Variants in GPR39 observed in about 807,000 individuals in gnomAD.
GPR39 encodes the protein zinc sensing receptor.
A neutral mutation model predicts 18.4 loss-of-function variants in GPR39; 23 were observed. That is an observed-to-expected ratio of 1.25 (90% CI 0.90 to 1.77). GPR39 has a LOEUF of 1.77. Ranked by LOEUF, GPR39 falls within the 40% of genes most tolerant of loss-of-function variation. GPR39 has a pLI of 0.00. For missense variants in GPR39, 647 were observed against 602.4 expected, an observed-to-expected ratio of 1.07 and a Z score of -0.78; for synonymous variants, 280 against 257.9, an observed-to-expected ratio of 1.09 and a Z score of -0.82.
At chr2:132,604,645 G>T (rs977123657) in intron 1 of GPR39, 2 of 152,320 alleles carry the variant, frequency 1.3e-5, no homozygotes, top group South Asian at 2.1e-4. Flanking sequence ...TTTTATAGAA[G>T]GTTATATATA....
chr2:132,594,447 T>G (rs1680901997), intron 1 of GPR39, among the ~76,000 whole-genome samples: 1 of 152,072 alleles, frequency 6.6e-6, no homozygotes, highest in Non-Finnish European at 1.5e-5. Context: ...TAGAGCAGTT[T>G]AGAACTGATT....
chr2:132,539,379 G>GC (rs1679819824), intron 1 of GPR39, among the ~76,000 whole-genome samples: 1 of 152,088 alleles, frequency 6.6e-6, no homozygotes. Flanking sequence ...CACACCCACT[G>GC]CCTAACCAGT....
intron 1 of GPR39, among the ~76,000 whole-genome samples, chr2:132,505,980 G>T (rs900160638): frequency 6.6e-6 from 1 of 152,146 alleles, no homozygotes; most frequent in Admixed American, 6.5e-5. Context: ...TCTCCATACT[G>T]TATTCTACAA....
At chr2:132,512,945 A>G (rs1679266988) in intron 1 of GPR39, among the ~76,000 whole-genome samples, 1 of 152,254 alleles carries the variant, frequency 6.6e-6, no homozygotes, top group Non-Finnish European at 1.5e-5. Context: ...TAAAGCACCC[A>G]TTATTTTGTT....
At chr2:132,555,054 C>T (rs931932971) in intron 1 of GPR39, among the ~76,000 whole-genome samples, 3 of 151,910 alleles carry the variant, frequency 2.0e-5, no homozygotes, top group African/African-American at 4.8e-5. Context: ...CAGGTTCAAG[C>T]GATTCTCCTG....
intron 1 of GPR39, 87 bp downstream of exon 1, chr2:132,417,985 A>G: frequency 6.8e-7 from 1 of 1,480,572 alleles, no homozygotes; most frequent in Non-Finnish European, 9.0e-7. Context: ...TCTCCAGGGC[A>G]AGTCTTGCCC....
At chr2:132,568,300 T>A (rs1397293407) in intron 1 of GPR39, among the ~76,000 whole-genome samples, 1 of 152,044 alleles carries the variant, frequency 6.6e-6, no homozygotes, top group Non-Finnish European at 1.5e-5. Context: ...GTCTTGGAGT[T>A]GTTGGGCGGG....
chr2:132,480,749 A>G (rs144399608), intron 1 of GPR39, among the ~76,000 whole-genome samples: 25 of 152,274 alleles, frequency 1.6e-4, no homozygotes, highest in African/African-American at 6.0e-4. Context: ...ATTAATTCTG[A>G]CTGCAGGTTG....
chr2:132,537,887 A>G (rs927767345), intron 1 of GPR39, among the ~76,000 whole-genome samples: 3 of 152,052 alleles, frequency 2.0e-5, no homozygotes, highest in Non-Finnish European at 2.9e-5. Context: ...TGTGTTTTTC[A>G]GCTCCATCAG....
At chr2:132,462,044 T>A (rs150592480) in intron 1 of GPR39, among the ~76,000 whole-genome samples, 81 of 152,322 alleles carry the variant, frequency 5.3e-4, no homozygotes, top group African/African-American at 1.9e-3. Context: ...TAAATTCATC[T>A]CCATGACTGT....
At chr2:132,577,959 T>A (rs1680556860) in intron 1 of GPR39, among the ~76,000 whole-genome samples, 1 of 152,176 alleles carries the variant, frequency 6.6e-6, no homozygotes, top group Admixed American at 6.5e-5. Flanking sequence ...TTCCCTATTT[T>A]AAAGGGAAAG....
chr2:132,592,956 A>C (rs1217397891), intron 1 of GPR39, among the ~76,000 whole-genome samples: 7 of 152,212 alleles, frequency 4.6e-5, no homozygotes, highest in Non-Finnish European at 1.0e-4. Flanking sequence ...AGCTGGCTAC[A>C]CATTTAGGTT....
intron 1 of GPR39, among the ~76,000 whole-genome samples, chr2:132,458,723 A>G (rs1680780574): frequency 6.6e-6 from 1 of 152,122 alleles, no homozygotes; most frequent in African/African-American, 2.4e-5. Flanking sequence ...TTTGTAGGAA[A>G]TTTGTGTAGG....
At chr2:132,634,478 C>G (rs1454963882) in intron 1 of GPR39, among the ~76,000 whole-genome samples, 1 of 152,072 alleles carries the variant, frequency 6.6e-6, no homozygotes, top group African/African-American at 2.4e-5. Flanking sequence ...GGAGGGGAGT[C>G]AATACTGGCC....
chr2:132,643,639 A>G (rs959299584), intron 1 of GPR39, among the ~76,000 whole-genome samples: 3 of 152,184 alleles, frequency 2.0e-5, no homozygotes, highest in Non-Finnish European at 2.9e-5. Context: ...TCAGCCCCCA[A>G]AAAGTATCTG....
At chr2:132,627,126 AC>A (rs1681559651) in intron 1 of GPR39, among the ~76,000 whole-genome samples, 3 of 152,068 alleles carry the variant, frequency 2.0e-5, no homozygotes, top group Admixed American at 6.5e-5. Flanking sequence ...GTTGCCTCTT[AC>A]GGGCCTGATC....
chr2:132,445,221 T>G (rs953160876), intron 1 of GPR39, among the ~76,000 whole-genome samples: 1 of 152,250 alleles, frequency 6.6e-6, no homozygotes, highest in Non-Finnish European at 1.5e-5. Flanking sequence ...ATTTTTTGTT[T>G]TAAATGTTAC....
chr2:132,577,403 A>G (rs1680548562), intron 1 of GPR39, among the ~76,000 whole-genome samples: 1 of 152,200 alleles, frequency 6.6e-6, no homozygotes, highest in Non-Finnish European at 1.5e-5. Context: ...TAAATATTAG[A>G]ATAACCTTAT....
chr2:132,575,214 G>C (rs1376163854), intron 1 of GPR39, among the ~76,000 whole-genome samples: 1 of 151,998 alleles, frequency 6.6e-6, no homozygotes, highest in Non-Finnish European at 1.5e-5. Flanking sequence ...AAAAAGTTAA[G>C]GACTTTACAG....
Sources: gnomAD v4.1 joint callset for allele counts (sites outside exome capture counted in the v4.1 genomes callset) on GRCh38, gnomAD v4.1.1 for gene constraint, MANE v1.5 for transcripts, NCBI Gene and HGNC (gene_info 2026-07-23, HGNC 2026-07-21) for gene names.